Variants in TCF4 observed in about 807,000 individuals in gnomAD.
The protein encoded by TCF4 is SL3-3 enhancer factor 2.
A neutral mutation model predicts 82.1 loss-of-function variants in TCF4; 3 were observed. The ratio of observed to expected loss-of-function variants is 0.04; its 90% CI spans 0.02 to 0.09. The LOEUF (loss-of-function observed/expected upper bound fraction) is 0.09. Among genes scored for constraint, TCF4 ranks in the 10% least tolerant of loss-of-function variants. The pLI, the probability that TCF4 is intolerant of heterozygous loss-of-function variation, is 1.00. For missense variants in TCF4, 518 were observed against 852.7 expected (o/e 0.61, Z 4.89); for synonymous variants, 276 against 309.6 (o/e 0.89, Z 1.14).
chr18:55,615,962 T>C (rs1393810965), intron 2 of TCF4, among the ~76,000 whole-genome samples: 1 of 152,112 alleles, frequency 6.6e-6, no homozygotes, highest in East Asian at 1.9e-4. Context: ...TTAGTTTTGT[T>C]TTTTTATTGT....
chr18:55,302,588 G>C (rs2068674426), intron 8 of TCF4: 1 of 1,532,028 alleles, frequency 6.5e-7, no homozygotes, highest in Non-Finnish European at 8.7e-7. Context: ...TTCATAATGG[G>C]AGGGAGAGAG....
rs868676236 is a variant in TCF4, at chr18:55,521,293, T to G, written c.146-57156A>C. 2.0e-5 allele frequency among the ~76,000 whole-genome samples: 3 copies of G among 152,310 alleles called. No individual in the cohort carries two copies. In the South Asian group the frequency reaches 6.2e-4, roughly 32 times the overall value. On this transcript the variant is annotated intron_variant, in intron 3 of 19. Coordinates refer to ENST00000354452, the MANE Select transcript of TCF4 (RefSeq NM_001083962.2). ...AAACAGTTATAGTAATAAAAAATAA[T>G]GAACTTAACTCATTACCTTAAAAGC...
At chr18:55,321,919 T>TCAGA in intron 8 of TCF4, 1 of 1,399,438 alleles carries the variant, frequency 7.1e-7, no homozygotes, top group Non-Finnish European at 9.3e-7. Context: ...GGCGCTGCTG[T>TCAGA]CAGACGCTCA....
At chr18:55,452,113 G>A (rs776758648) in intron 5 of TCF4, among the ~76,000 whole-genome samples, 7 of 152,030 alleles carry the variant, frequency 4.6e-5, no homozygotes, top group Non-Finnish European at 1.0e-4. Context: ...TCACATCCTG[G>A]TTACCTTTAA....
chr18:55,527,437 T>A (rs866960836), intron 3 of TCF4, among the ~76,000 whole-genome samples: 4 of 152,188 alleles, frequency 2.6e-5, no homozygotes, highest in Admixed American at 2.0e-4. Context: ...CGTTTCTCAA[T>A]GAATAGGAAA....
At chr18:55,325,171 A>C (rs919693797) in intron 8 of TCF4, among the ~76,000 whole-genome samples, 2 of 152,354 alleles carry the variant, frequency 1.3e-5, no homozygotes, top group Middle Eastern at 3.4e-3. Flanking sequence ...TTGAATGAAG[A>C]GCTATATTCA....
chr18:55,551,938 T>C (rs914235075), intron 3 of TCF4, among the ~76,000 whole-genome samples: 2 of 152,196 alleles, frequency 1.3e-5, no homozygotes, highest in Non-Finnish European at 2.9e-5. Context: ...CCCAGACTGG[T>C]AGACTAAAAA....
Position 55,540,738 on chromosome 18 carries a change from G to A in TCF4, c.145+44542C>T, listed in dbSNP as rs540617942. On this transcript the variant is annotated intron_variant, in intron 3 of 19. Coordinates refer to ENST00000354452, the MANE Select transcript of TCF4 (RefSeq NM_001083962.2). ...ATATCACACAATTGAGAAAGCAAAG[G>A]GCATAACTTTTATTTCACAAACATC... 7.9e-5 allele frequency among the ~76,000 whole-genome samples: 12 copies of A among 151,914 alleles called. No individual in the cohort carries two copies. The South Asian group carries it at 1.7e-3, about 21-fold the overall frequency.
intron 15 of TCF4, among the ~76,000 whole-genome samples, chr18:55,242,496 CAAAT>C (rs2051581876): frequency 6.6e-6 from 1 of 152,058 alleles, no homozygotes; most frequent in South Asian, 2.1e-4. Context: ...ATGTTTCTAT[CAAAT>C]AAACATTTCA....
intron 3 of TCF4, among the ~76,000 whole-genome samples, chr18:55,473,376 T>A (rs1316929385): frequency 2.6e-5 from 4 of 152,190 alleles, no homozygotes; most frequent in Non-Finnish European, 5.9e-5. Flanking sequence ...TTTTATACTT[T>A]AACAAAATCT....
At chr18:55,537,487 C>T (rs905390789) in intron 3 of TCF4, among the ~76,000 whole-genome samples, 30 of 151,780 alleles carry the variant, frequency 2.0e-4, no homozygotes, top group Non-Finnish European at 3.7e-4. Flanking sequence ...CTACTCAAAA[C>T]GCTGAAGTGG....
chr18:55,530,278 G>A (rs1490876364), intron 3 of TCF4, among the ~76,000 whole-genome samples: 4 of 152,114 alleles, frequency 2.6e-5, no homozygotes, highest in African/African-American at 4.8e-5. Flanking sequence ...TCTTGGCTCC[G>A]TGCACTTTAG....
chr18:55,279,774 C>G, intron 8 of TCF4, 118 bp from the exon 9 acceptor site: 1 of 1,482,896 alleles, frequency 6.7e-7, no homozygotes, highest in East Asian at 2.4e-5. Context: ...CAGTTTAAAT[C>G]TGAACAAACC....
rs2097669946 is a variant in TCF4 at position 55,588,064 on chromosome 18, G to A, written c.-47C>T. 4.0e-6 allele frequency: 4 copies of A among 991,202 alleles called. No individual in the cohort carries two copies. The South Asian group carries it at 1.3e-4, about 33-fold the overall frequency. 61.4% of individuals were successfully genotyped at this position (991,202 alleles called of 1,614,324 possible). A position where few individuals can be genotyped will look rare whatever the true frequency, so the allele number is the denominator to read the frequency against. ...GCCCGCGCGCGAGAAGGGGCTCTCCGTGCACCGCCGGCGCCGAGGCGGCGT... is the reference window on the plus strand; with the variant it reads ...GCCCGCGCGCGAGAAGGGGCTCTCCATGCACCGCCGGCGCCGAGGCGGCGT... On this transcript the variant is annotated 5_prime_UTR_variant, in exon 1 of 20. The change creates a new upstream start codon in the 5' untranslated region. Transcript: ENST00000354452.
chr18:55,614,959 A>G (rs1402772441), intron 2 of TCF4, among the ~76,000 whole-genome samples: 1 of 152,116 alleles, frequency 6.6e-6, no homozygotes, highest in Non-Finnish European at 1.5e-5. Context: ...TATTTTTATT[A>G]TTATGATTTT....
chr18:55,434,069 T>G (rs1424594139), intron 5 of TCF4, among the ~76,000 whole-genome samples: 1 of 152,164 alleles, frequency 6.6e-6, no homozygotes, highest in Non-Finnish European at 1.5e-5. Flanking sequence ...ATACACAAAA[T>G]AGTCTCATTC....
At chr18:55,618,767 T>G (rs2097714732) in intron 2 of TCF4, among the ~76,000 whole-genome samples, 1 of 139,302 alleles carries the variant, frequency 7.2e-6, no homozygotes, top group Non-Finnish European at 1.6e-5. Context: ...TTTTTTTTTT[T>G]GTAGAGACAG....
chr18:55,323,037 T>C (rs2075976016), intron 8 of TCF4, among the ~76,000 whole-genome samples: 1 of 152,236 alleles, frequency 6.6e-6, no homozygotes, highest in Non-Finnish European at 1.5e-5. Flanking sequence ...AATAGAATCC[T>C]TATAGATGGC....
At chr18:55,413,633 G>A (rs2094433077) in intron 5 of TCF4, among the ~76,000 whole-genome samples, 1 of 152,082 alleles carries the variant, frequency 6.6e-6, no homozygotes, top group Admixed American at 6.6e-5. Flanking sequence ...CTCAATGACT[G>A]AATCTAGGAG....
Sources: gnomAD v4.1 joint callset for allele counts (sites outside exome capture counted in the v4.1 genomes callset) on GRCh38, gnomAD v4.1.1 for gene constraint, MANE v1.5 for transcripts, NCBI Gene and HGNC (gene_info 2026-07-23, HGNC 2026-07-21) for gene names.